The following ZNF385D variants were observed in gnomAD, a reference collection of about 807,000 sequenced individuals.
ZNF385D encodes zinc finger protein 659.
ZNF385D carries 15 observed loss-of-function variants against 35.8 expected under a neutral mutation model. That is an observed-to-expected ratio of 0.42 (90% CI 0.28 to 0.64). The LOEUF (loss-of-function observed/expected upper bound fraction) is 0.64, where lower values mean the gene tolerates loss of function less well. Among genes scored for constraint, ZNF385D ranks in the 30% least tolerant of loss-of-function variants. ZNF385D has a pLI of 0.23. For missense variants in ZNF385D, 474 were observed against 494.6 expected, an observed-to-expected ratio of 0.96 and a Z score of 0.39; for synonymous variants, 212 against 186.8, an observed-to-expected ratio of 1.13 and a Z score of -1.10.
intron 3 of ZNF385D, among the ~76,000 whole-genome samples, chr3:22,022,025 G>A (rs546984693): frequency 3.3e-5 from 5 of 152,144 alleles, no homozygotes; most frequent in African/African-American, 1.2e-4. Flanking sequence ...TAAAGGCTAC[G>A]TGGTTAACAG....
intron 2 of ZNF385D, among the ~76,000 whole-genome samples, chr3:22,336,683 G>T (rs956228440): frequency 2.0e-5 from 3 of 151,646 alleles, no homozygotes; most frequent in African/African-American, 7.3e-5. Flanking sequence ...ACTTGCTTCT[G>T]TATCATTTCT....
chr3:21,857,392 GC>G (rs1696783875), intron 3 of ZNF385D, among the ~76,000 whole-genome samples: 1 of 152,132 alleles, frequency 6.6e-6, no homozygotes, highest in African/African-American at 2.4e-5. Context: ...TTCCTTAGGT[GC>G]CAGGGGAAAC....
At chr3:21,655,059 C>T (rs2066033373) in intron 2 of ZNF385D, among the ~76,000 whole-genome samples, 2 of 151,912 alleles carry the variant, frequency 1.3e-5, no homozygotes, top group African/African-American at 2.4e-5. Context: ...AGGTAGAACA[C>T]AGTGACTCTC....
At chr3:21,672,778 G>A (rs186361790) in intron 1 of ZNF385D, among the ~76,000 whole-genome samples, 3 of 152,186 alleles carry the variant, frequency 2.0e-5, no homozygotes, top group Admixed American at 1.3e-4. Flanking sequence ...TAAATGCCAC[G>A]ACCAAAATCA....
At chr3:22,233,516 A>G (rs1478840286) in intron 2 of ZNF385D, among the ~76,000 whole-genome samples, 1 of 152,186 alleles carries the variant, frequency 6.6e-6, no homozygotes, top group Non-Finnish European at 1.5e-5. Flanking sequence ...TATAGGAATC[A>G]AAGCTTATAG....
At chr3:22,248,959 T>G (rs780874112) in intron 2 of ZNF385D, among the ~76,000 whole-genome samples, 19 of 152,202 alleles carry the variant, frequency 1.2e-4, no homozygotes, top group Non-Finnish European at 2.1e-4. Context: ...AAAGCCCATA[T>G]GCAGGAGAGG....
chr3:21,843,893 T>C (rs1198068886), intron 3 of ZNF385D, among the ~76,000 whole-genome samples: 1 of 151,968 alleles, frequency 6.6e-6, no homozygotes, highest in African/African-American at 2.4e-5. Flanking sequence ...TCAAAGCATC[T>C]CATTTCCTGC....
chr3:22,184,926 G>T (rs1199979669), intron 2 of ZNF385D, among the ~76,000 whole-genome samples: 1 of 152,006 alleles, frequency 6.6e-6, no homozygotes, highest in Non-Finnish European at 1.5e-5. Context: ...ATGTCACTTG[G>T]CCATTTTTTT....
At position 21,774,021 on chromosome 3, in the gene ZNF385D, A is replaced by G. The variant is rs565742998; in HGVS notation, c.326-108993T>C. On this transcript the variant is annotated intron_variant, in intron 3 of 5. Coordinates refer to the ZNF385D transcript ENST00000494108. The stretch of plus-strand genomic sequence containing the variant: ...ATAGTCAAGACATGGAGTCAACCCA[A>G]ATGCCCATCAATGATAGACTGCGTA... 2.0e-5 allele frequency among the ~76,000 whole-genome samples: 3 copies of G among 152,128 alleles called. No individual in the cohort carries two copies. The East Asian group carries it at 5.8e-4, about 30-fold the overall frequency.
chr3:21,647,491 A>G (rs1473814298), intron 2 of ZNF385D, among the ~76,000 whole-genome samples: 1 of 151,238 alleles, frequency 6.6e-6, no homozygotes, highest in African/African-American at 2.4e-5. Flanking sequence ...CCATTTACAT[A>G]CTGCAATTAA....
chr3:21,970,039 G>C (rs1450186577), intron 3 of ZNF385D, among the ~76,000 whole-genome samples: 3 of 152,144 alleles, frequency 2.0e-5, no homozygotes, highest in African/African-American at 7.2e-5. Context: ...CTGCGGTGAT[G>C]AAAGATTTAC....
chr3:21,784,212 A>G (rs948967763), intron 3 of ZNF385D, among the ~76,000 whole-genome samples: 2 of 152,192 alleles, frequency 1.3e-5, no homozygotes, highest in Non-Finnish European at 1.5e-5. Flanking sequence ...TAAGGCTTCA[A>G]AATCCATGTT....
rs114933475 is a variant in ZNF385D, at chr3:21,696,050, A to G, written c.23-31022T>C. ...AAGAGAAGTGAGGTCCAGATCGGTA[A>G]ATCATTTTGCCCAATTTCCTACAAC... On this transcript the variant is annotated intron_variant, in intron 1 of 7. Coordinates refer to ENST00000281523, the MANE Select transcript of ZNF385D (RefSeq NM_024697.3). Among the ~76,000 whole-genome samples, 421 of 152,228 alleles carry G rather than the reference A, an allele frequency of 2.8e-3. 4 individuals carry two copies. The highest frequency in any genetic ancestry group is 3.6e-3 in the Non-Finnish European group (247 of 68,010).
intron 3 of ZNF385D, among the ~76,000 whole-genome samples, chr3:21,863,689 G>T (rs185252296): frequency 6.6e-6 from 1 of 152,034 alleles, no homozygotes; most frequent in Non-Finnish European, 1.5e-5. Context: ...ATATAATTTC[G>T]AAAAGAACAA....
chr3:21,975,668 C>T (rs1473525410), intron 3 of ZNF385D, among the ~76,000 whole-genome samples: 1 of 144,608 alleles, frequency 6.9e-6, no homozygotes, highest in South Asian at 2.2e-4. Flanking sequence ...CCTCTATGAA[C>T]CCACAAAAAT....
intron 3 of ZNF385D, among the ~76,000 whole-genome samples, chr3:21,815,682 T>G (rs1469059169): frequency 1.3e-5 from 2 of 152,150 alleles, no homozygotes; most frequent in Admixed American, 6.6e-5. Context: ...ATTGAGATAA[T>G]AATTAATAGC....
At chr3:21,613,468 G>A (rs1205047285) in intron 2 of ZNF385D, among the ~76,000 whole-genome samples, 1 of 151,550 alleles carries the variant, frequency 6.6e-6, no homozygotes, top group African/African-American at 2.4e-5. Context: ...TTTAGAAGCA[G>A]GTTTTACAAG....
intron 2 of ZNF385D, among the ~76,000 whole-genome samples, chr3:22,219,787 A>T (rs1559460665): frequency 6.6e-6 from 1 of 152,184 alleles, no homozygotes; most frequent in Non-Finnish European, 1.5e-5. Context: ...GTCTTGGATC[A>T]GTTTAAGTAA....
intron 3 of ZNF385D, among the ~76,000 whole-genome samples, chr3:21,514,090 T>A (rs1008801337): frequency 6.6e-6 from 1 of 152,128 alleles, no homozygotes; most frequent in African/African-American, 2.4e-5. Context: ...GGGATGTCTC[T>A]TTGGGCCTCC....
Sources: allele counts gnomAD v4.1 joint callset (sites outside exome capture counted in the v4.1 genomes callset), GRCh38; gene constraint gnomAD v4.1.1; transcripts MANE v1.5; gene names NCBI Gene and HGNC (gene_info 2026-07-23, HGNC 2026-07-21).